The following ARHGAP10 variants were observed in gnomAD, a reference collection of about 807,000 sequenced individuals.
ARHGAP10 encodes rho GTPase-activating protein 10.
ARHGAP10 carries 87 observed loss-of-function variants against 108.6 expected under a neutral mutation model. That is an observed-to-expected ratio of 0.80 (90% CI 0.67 to 0.96). The LOEUF is 0.96. Ranked by LOEUF, ARHGAP10 falls within the 40% of genes least tolerant of loss-of-function variation. ARHGAP10 has a pLI of 0.00. For missense variants in ARHGAP10, 939 were observed against 954.5 expected, an observed-to-expected ratio of 0.98 and a Z score of 0.21; for synonymous variants, 347 against 341.1, an observed-to-expected ratio of 1.02 and a Z score of -0.19.
In ARHGAP10 at chr4:147,939,917, T is replaced by C. The variant is rs202237328; in HGVS notation, c.1303+18T>C. ...GTTGATGGGTATGCCTCTTTTCTAATCATTTTTCCATGTGTTATTTGTGTA... is the reference window on the plus strand; with the variant it reads ...GTTGATGGGTATGCCTCTTTTCTAACCATTTTTCCATGTGTTATTTGTGTA... On this transcript the variant is annotated intron_variant, in intron 14 of 22. Coordinates refer to ENST00000336498, the MANE Select transcript of ARHGAP10 (RefSeq NM_024605.4). 3 of 1,600,078 alleles carry C rather than the reference T, an allele frequency of 1.9e-6. No homozygotes were observed. The highest frequency in any genetic ancestry group is 4.5e-5 in the East Asian group (2 of 44,802).
At chr4:147,823,170 C>T (rs973537412) in intron 3 of ARHGAP10, among the ~76,000 whole-genome samples, 14 of 152,180 alleles carry the variant, frequency 9.2e-5, no homozygotes, top group African/African-American at 3.4e-4. Flanking sequence ...GGCCTCTCGA[C>T]CAAGGCCTTA....
At chr4:147,782,146 T>G (rs1460767556) in intron 1 of ARHGAP10, among the ~76,000 whole-genome samples, 1 of 152,238 alleles carries the variant, frequency 6.6e-6, no homozygotes, top group African/African-American at 2.4e-5. Flanking sequence ...GTGAATGTCC[T>G]GCAGAGAGAC....
rs1739111706 is a variant in ARHGAP10, at chr4:147,964,178, C to G, written c.1451-846C>G. On this transcript the variant is annotated intron_variant, in intron 16 of 22. Coordinates refer to ENST00000336498, the MANE Select transcript of ARHGAP10 (RefSeq NM_024605.4). ...GCCCCGTGACCCCCCTCCCTACGAG[C>G]CTCCTCTGCGGGCCCTTACGCTACA... 2.0e-5 allele frequency among the ~76,000 whole-genome samples: 3 copies of G among 152,302 alleles called. No homozygotes were observed. In the South Asian group the frequency reaches 6.2e-4, roughly 32 times the overall value.
At chr4:147,819,866 T>C (rs1460072224) in intron 1 of ARHGAP10, among the ~76,000 whole-genome samples, 2 of 152,172 alleles carry the variant, frequency 1.3e-5, no homozygotes, top group Non-Finnish European at 2.9e-5. Flanking sequence ...GCCTATTGTA[T>C]CTTATTTACA....
intron 1 of ARHGAP10, among the ~76,000 whole-genome samples, chr4:147,741,018 T>C (rs1338610946): frequency 6.6e-6 from 1 of 152,246 alleles, no homozygotes; most frequent in Non-Finnish European, 1.5e-5. Context: ...TTTCATCCTA[T>C]ACTTTTTTCC....
At position 147,931,608 on chromosome 4, in the gene ARHGAP10, T is replaced by C. The variant is rs192661663; in HGVS notation, c.1229-8217T>C. ...AAGCTATTAAAAGCAAAAACCAAGG[T>C]TGACCAAGTATCTTTCCAGGCAATA... On this transcript the variant is annotated intron_variant, in intron 13 of 22. Coordinates refer to ENST00000336498, the MANE Select transcript of ARHGAP10 (RefSeq NM_024605.4). 3.9e-5 allele frequency among the ~76,000 whole-genome samples: 6 copies of C among 152,246 alleles called. No homozygotes were observed. The East Asian group carries it at 9.6e-4, about 24-fold the overall frequency.
intron 19 of ARHGAP10, among the ~76,000 whole-genome samples, chr4:148,036,513 G>A (rs1260950882): frequency 6.6e-6 from 1 of 152,146 alleles, no homozygotes; most frequent in Non-Finnish European, 1.5e-5. Context: ...TTTATAAGGG[G>A]GCTTTCCCCT....
chr4:147,979,872 TG>T (rs1739745480), intron 18 of ARHGAP10, among the ~76,000 whole-genome samples: 1 of 152,196 alleles, frequency 6.6e-6, no homozygotes, highest in South Asian at 2.1e-4. Context: ...GATTTTTATC[TG>T]TTGACTTTGC....
intron 1 of ARHGAP10, among the ~76,000 whole-genome samples, chr4:147,821,848 T>C (rs1732508581): frequency 6.6e-6 from 1 of 152,246 alleles, no homozygotes; most frequent in Non-Finnish European, 1.5e-5. Flanking sequence ...GGCAGGATTG[T>C]ATACTGCTCA....
At chr4:148,053,581 C>T (rs1489313697) in intron 20 of ARHGAP10, among the ~76,000 whole-genome samples, 5 of 152,126 alleles carry the variant, frequency 3.3e-5, no homozygotes, top group South Asian at 2.1e-4. Flanking sequence ...ATATGATATT[C>T]GGTTGTCTCC....
At chr4:147,876,440 A>G (rs931223149) in intron 8 of ARHGAP10, among the ~76,000 whole-genome samples, 4 of 152,088 alleles carry the variant, frequency 2.6e-5, no homozygotes, top group Non-Finnish European at 4.4e-5. Flanking sequence ...AAAAATACAA[A>G]AAATCAGCAG....
chr4:147,755,708 C>G (rs927061890), intron 1 of ARHGAP10, among the ~76,000 whole-genome samples: 1 of 152,004 alleles, frequency 6.6e-6, no homozygotes, highest in Non-Finnish European at 1.5e-5. Context: ...CTTCTCTTGC[C>G]CTTATATAGT....
At chr4:147,891,943 A>T (rs2126886685) in intron 10 of ARHGAP10, among the ~76,000 whole-genome samples, 1 of 151,578 alleles carries the variant, frequency 6.6e-6, no homozygotes, top group African/African-American at 2.4e-5. Flanking sequence ...GCCACATGCC[A>T]CTTTGTGCTG....
At chr4:148,005,072 C>T (rs1740893081) in intron 18 of ARHGAP10, among the ~76,000 whole-genome samples, 1 of 152,206 alleles carries the variant, frequency 6.6e-6, no homozygotes, top group African/African-American at 2.4e-5. Context: ...ATCCAACTTG[C>T]TCTTCATACC....
At chr4:148,065,940 G>A (rs1729850639) in intron 22 of ARHGAP10, among the ~76,000 whole-genome samples, 1 of 142,886 alleles carries the variant, frequency 7.0e-6, no homozygotes, top group South Asian at 2.2e-4. Context: ...GTGCCCAGGA[G>A]TTCGAGGCCA....
chr4:147,873,722 A>ACACACACACACACACACACT (rs775092505), intron 7 of ARHGAP10, among the ~76,000 whole-genome samples: 21 of 144,336 alleles, frequency 1.5e-4, no homozygotes, highest in Non-Finnish European at 2.7e-4. Context: ...ACACACACAC[A>ACACACACACACACACACACT]CTCTTGGCCT....
chr4:148,062,405 C>CA (rs1729661104), intron 20 of ARHGAP10, among the ~76,000 whole-genome samples: 1 of 152,190 alleles, frequency 6.6e-6, no homozygotes. Flanking sequence ...CGTGTGTGTT[C>CA]AAAATGTCAC....
chr4:148,071,697 C>T (rs1297027614), intron 22 of ARHGAP10, among the ~76,000 whole-genome samples: 1 of 152,074 alleles, frequency 6.6e-6, no homozygotes, highest in Non-Finnish European at 1.5e-5. Context: ...GTGATCAGCT[C>T]TGTGTTCTAG....
At chr4:148,066,486 C>A (rs991042093) in intron 22 of ARHGAP10, among the ~76,000 whole-genome samples, 5 of 152,226 alleles carry the variant, frequency 3.3e-5, no homozygotes, top group African/African-American at 1.2e-4. Context: ...ACCCAGGAGA[C>A]TTACGTTCTC....
Sources: allele counts gnomAD v4.1 joint callset (sites outside exome capture counted in the v4.1 genomes callset), GRCh38; gene constraint gnomAD v4.1.1; transcripts MANE v1.5; gene names NCBI Gene and HGNC (gene_info 2026-07-23, HGNC 2026-07-21).